Variants in BANP observed in about 807,000 individuals in gnomAD.
The protein encoded by BANP is BTG3 associated nuclear protein.
In BANP, 11 loss-of-function variants were observed where a neutral mutation model predicts 68.1. The observed-to-expected ratio is 0.16, with a 90% confidence interval of 0.10 to 0.27. The LOEUF is 0.27. BANP is among the 10% of genes least tolerant of loss of function. The pLI is 1.00. For missense variants in BANP, 504 were observed against 722.7 expected (o/e 0.70, Z 3.47); for synonymous variants, 329 against 303.2 (o/e 1.09, Z -0.88).
intron 8 of BANP, among the ~76,000 whole-genome samples, chr16:88,028,650 T>A (rs7200352): frequency 0.24 from 36,072 of 151,852 alleles, 4,968 homozygotes; most frequent in East Asian, 0.59. Flanking sequence ...CCTTGGGACT[T>A]GAGAGAGGTA....
intron 11 of BANP, among the ~76,000 whole-genome samples, chr16:88,045,469 G>A (rs758115209): frequency 2.0e-5 from 3 of 152,218 alleles, no homozygotes; most frequent in Non-Finnish European, 2.9e-5. Flanking sequence ...CAGCCCTTGG[G>A]GGCCAGAGCC....
At chr16:88,020,228 C>G in intron 7 of BANP, among the ~76,000 whole-genome samples, 1 of 152,228 alleles carries the variant, frequency 6.6e-6, no homozygotes, top group East Asian at 1.9e-4. Flanking sequence ...TGTTCAACTG[C>G]TTAGCTCTGA....
chr16:88,006,832 A>G (rs570158364), intron 6 of BANP, among the ~76,000 whole-genome samples: 63 of 151,622 alleles, frequency 4.2e-4, no homozygotes, highest in Admixed American at 2.0e-3. Flanking sequence ...GGTGCCTGTA[A>G]TCCCAGCTAC....
chr16:88,075,358 C>T (rs995276455), intron 13 of BANP, among the ~76,000 whole-genome samples: 1 of 152,124 alleles, frequency 6.6e-6, no homozygotes, highest in Non-Finnish European at 1.5e-5. Flanking sequence ...AAAAATTTAG[C>T]CGGGCGTGGT....
chr16:88,023,158 C>CT (rs745369152), intron 7 of BANP, among the ~76,000 whole-genome samples: 17 of 152,270 alleles, frequency 1.1e-4, no homozygotes, highest in Middle Eastern at 3.4e-3. Flanking sequence ...CTCACGGTGA[C>CT]TGAGAGCTGG....
intron 1 of BANP, among the ~76,000 whole-genome samples, chr16:87,952,957 AG>A (rs2057276997): frequency 6.6e-6 from 1 of 152,056 alleles, no homozygotes; most frequent in Admixed American, 6.5e-5. Flanking sequence ...TTTCGTAGAG[AG>A]GGGGTTTCGC....
chr16:88,061,006 T>C (rs2152872925), intron 11 of BANP, among the ~76,000 whole-genome samples: 1 of 152,096 alleles, frequency 6.6e-6, no homozygotes, highest in East Asian at 1.9e-4. Context: ...CACACATGGT[T>C]AAGGTCACTC....
At chr16:87,970,910 G>A (rs552752426) in intron 1 of BANP, among the ~76,000 whole-genome samples, 6 of 151,842 alleles carry the variant, frequency 4.0e-5, no homozygotes, top group African/African-American at 9.7e-5. Context: ...ACAGCTACTC[G>A]GGAGGCTGAG....
intron 11 of BANP, among the ~76,000 whole-genome samples, chr16:88,063,268 T>C (rs574761759): frequency 6.6e-6 from 1 of 152,360 alleles, no homozygotes; most frequent in South Asian, 2.1e-4. Context: ...CTTTCGCCTC[T>C]CAGCCCTCCC....
At chr16:88,065,821 T>C (rs899387605) in intron 12 of BANP, among the ~76,000 whole-genome samples, 2 of 152,016 alleles carry the variant, frequency 1.3e-5, no homozygotes, top group African/African-American at 4.8e-5. Context: ...AAAGCGAGTA[T>C]GGAAGGGCAC....
chr16:88,015,742 G>A (rs1253998354), intron 6 of BANP, among the ~76,000 whole-genome samples: 5 of 152,264 alleles, frequency 3.3e-5, no homozygotes, highest in Non-Finnish European at 7.3e-5. Flanking sequence ...GGCAGCTGCC[G>A]CAGGGACTCA....
intron 11 of BANP, among the ~76,000 whole-genome samples, chr16:88,041,041 CTG>C (rs933168670): frequency 2.0e-5 from 3 of 152,232 alleles, no homozygotes. Context: ...CGTCATGGGG[CTG>C]GGGCCTGTGC....
At chr16:87,973,801 C>T (rs549189266) in intron 1 of BANP, among the ~76,000 whole-genome samples, 6 of 149,598 alleles carry the variant, frequency 4.0e-5, no homozygotes, top group South Asian at 2.1e-4. Flanking sequence ...TCTAGAGTTG[C>T]CATTTAAGCT....
intron 2 of BANP, among the ~76,000 whole-genome samples, chr16:87,979,961 G>A (rs77513942): frequency 0.016 from 2,429 of 152,152 alleles, 66 homozygotes; most frequent in African/African-American, 0.052. Context: ...CAAACAAAAC[G>A]ATTAATATTA....
chr16:88,040,943 T>C (rs191249551), intron 11 of BANP, among the ~76,000 whole-genome samples: 1 of 152,388 alleles, frequency 6.6e-6, no homozygotes, highest in Admixed American at 6.5e-5. Context: ...GGAATGGTTA[T>C]GTGGCAGTAG....
rs1185138836 is a variant in BANP, at chr16:88,071,373, G to A, written c.1378-696G>A. 1 of 412,920 alleles carries A rather than the reference G, an allele frequency of 2.4e-6. No individual in the cohort carries two copies. The highest frequency in any genetic ancestry group is 2.1e-5 in the African/African-American group (1 of 48,732). 25.6% of individuals were successfully genotyped at this position (412,920 alleles called of 1,614,324 possible). On this transcript the variant is annotated intron_variant, in intron 12 of 13. Transcript: ENST00000682872. This position sits in a 1 kb window ranked among gnomAD's most constrained non-coding sequence, Gnocchi z 6.5. ...CGCCCAGTGGATTGAGTGGGAAGTGGGCCTGGGTGCTTACAGGCGATGGGG... is the reference window on the plus strand; with the variant it reads ...CGCCCAGTGGATTGAGTGGGAAGTGAGCCTGGGTGCTTACAGGCGATGGGG...
intron 3 of BANP, 102 bp downstream of exon 3, chr16:87,981,229 C>A: frequency 1.1e-6 from 1 of 877,380 alleles, no homozygotes; most frequent in Non-Finnish European, 1.9e-6. Flanking sequence ...TGTAGCCTCT[C>A]AGCTGTGGAG....
intron 6 of BANP, among the ~76,000 whole-genome samples, chr16:88,011,270 C>G (rs992704568): frequency 6.6e-6 from 1 of 152,056 alleles, no homozygotes; most frequent in African/African-American, 2.4e-5. Flanking sequence ...CAGGAGTTCA[C>G]CCAGGCTCCT....
chr16:88,076,710 G>A lies in BANP; in HGVS notation c.*49G>A, dbSNP rs757327377. On this transcript the variant is annotated 3_prime_UTR_variant, in exon 14 of 14. Transcript: ENST00000682872. Reference sequence around the variant, plus strand: ...CCCTCGCCGGCTCCGCCTACGGCCCGGCCCCCACGCGCCCTGCTCTCACGG... The same window carrying A: ...CCCTCGCCGGCTCCGCCTACGGCCCAGCCCCCACGCGCCCTGCTCTCACGG... 4 of 1,519,902 alleles carry A rather than the reference G, an allele frequency of 2.6e-6. No individual in the cohort carries two copies. The highest frequency in any genetic ancestry group is 2.3e-5 in the East Asian group (1 of 43,224). The allele number at this position is 1,519,902 out of a possible 1,614,324, so 94.2% of individuals were successfully genotyped here. A position where few individuals can be genotyped will look rare whatever the true frequency, so the allele number is the denominator to read the frequency against.
Sources: gnomAD v4.1 joint callset for allele counts (sites outside exome capture counted in the v4.1 genomes callset) on GRCh38, gnomAD v4.1.1 for gene constraint, Gnocchi (gnomAD v3.1) non-coding constraint, MANE v1.5 for transcripts, NCBI Gene and HGNC (gene_info 2026-07-23, HGNC 2026-07-21) for gene names.